The following MAD1L1 variants were observed in gnomAD, a reference collection of about 807,000 sequenced individuals.
MAD1L1 encodes mitotic arrest deficient 1 like 1, also known as mitotic spindle assembly checkpoint protein MAD1.
MAD1L1 carries 95 observed loss-of-function variants against 96.9 expected under a neutral mutation model. The observed-to-expected ratio is 0.98, with a 90% CI of 0.83 to 1.16. The LOEUF (loss-of-function observed/expected upper bound fraction) is 1.16. Among genes scored for constraint, MAD1L1 ranks in the 50% most tolerant of loss-of-function variants. MAD1L1 has a pLI of 0.00. For missense variants in MAD1L1, 1,007 were observed against 954.4 expected (o/e 1.06, Z -0.73); for synonymous variants, 473 against 396.6 (o/e 1.19, Z -2.29).
chr7:2,221,788 C>T (rs1793622301), intron 5 of MAD1L1, among the ~76,000 whole-genome samples: 1 of 152,158 alleles, frequency 6.6e-6, no homozygotes, highest in Non-Finnish European at 1.5e-5. Flanking sequence ...GACAAAACAA[C>T]AGCTATTTCC....
chr7:2,129,425 G>A (rs919354591), intron 11 of MAD1L1, among the ~76,000 whole-genome samples: 6 of 152,206 alleles, frequency 3.9e-5, no homozygotes, highest in Admixed American at 1.3e-4. Flanking sequence ...GGCTCACGGC[G>A]GCTCCTGTCC....
intron 14 of MAD1L1, among the ~76,000 whole-genome samples, chr7:1,983,140 GCGCGCGCGCGCGCGCACACA>G (rs1016992857): frequency 1.4e-4 from 14 of 99,278 alleles, no homozygotes; most frequent in East Asian, 1.0e-3. Context: ...AGACGCGCGC[GCGCGCGCGCGCGCGCACACA>G]CACACACACA....
chr7:2,225,118 C>T (rs913542313), intron 4 of MAD1L1, among the ~76,000 whole-genome samples: 1 of 152,244 alleles, frequency 6.6e-6, no homozygotes, highest in African/African-American at 2.4e-5. Flanking sequence ...ATAACTGATA[C>T]CTGCCCCACA....
rs34968822 is a variant in MAD1L1 at position 1,878,264 on chromosome 7, C to G, written c.1998+19936G>C. ...ATATTTAGGGAAGAAATATCTCACA[C>G]AAATTCTTCCAGAAAAAAGAGGAGG... is the stretch of plus-strand genomic sequence containing the variant. On this transcript the variant is annotated intron_variant, in intron 18 of 18. Coordinates refer to ENST00000265854, the MANE Select transcript of MAD1L1 (RefSeq NM_001013836.2). 4.5e-3 allele frequency among the ~76,000 whole-genome samples: 685 copies of G among 152,054 alleles called. 4 individuals are homozygous for G. The highest frequency in any genetic ancestry group is 7.4e-3 in the Non-Finnish European group (504 of 67,968).
At chr7:1,908,233 C>T (rs1488606405) in intron 17 of MAD1L1, among the ~76,000 whole-genome samples, 2 of 152,228 alleles carry the variant, frequency 1.3e-5, no homozygotes, top group East Asian at 3.9e-4. Context: ...CTCTCGCGAT[C>T]ATACCCTTCA....
chr7:1,849,469 C>G lies in MAD1L1; in HGVS notation c.1999-33241G>C, dbSNP rs533341449. 1.4e-4 allele frequency: 22 copies of G among 152,390 alleles called. No individual in the cohort carries two copies. The East Asian group carries it at 3.9e-3, about 27-fold the overall frequency. 9.4% of individuals were successfully genotyped at this position (152,390 alleles called of 1,614,324 possible). A position where few individuals can be genotyped will look rare whatever the true frequency, so the allele number is the denominator to read the frequency against. ...CTGGACCCCTGATGGTCGGCCCTCC[C>G]CGTCGAGACAGTGGCAGGCAGGCGG... is the stretch of plus-strand genomic sequence containing the variant. On this transcript the variant is annotated intron_variant, in intron 18 of 18. Coordinates refer to ENST00000265854, the MANE Select transcript of MAD1L1 (RefSeq NM_001013836.2).
intron 11 of MAD1L1, among the ~76,000 whole-genome samples, chr7:2,094,583 G>A (rs998775466): frequency 6.6e-6 from 1 of 152,168 alleles, no homozygotes; most frequent in African/African-American, 2.4e-5. Context: ...AGGAAAGTCA[G>A]GAAGGCTGCT....
intron 15 of MAD1L1, 94 bp downstream of exon 15, chr7:1,980,359 T>A: frequency 9.5e-7 from 1 of 1,047,914 alleles, no homozygotes; most frequent in Non-Finnish European, 1.4e-6. Context: ...CCTGGGCGTA[T>A]CTGCCTCCTC....
At chr7:2,089,186 AC>A (rs1786081327) in intron 11 of MAD1L1, 1 of 152,244 alleles carries the variant, frequency 6.6e-6, no homozygotes, top group Non-Finnish European at 1.5e-5. Context: ...AGTCCCAGGC[AC>A]AGTGGAGGCC....
At chr7:2,057,670 A>C (rs1784439680) in intron 12 of MAD1L1, among the ~76,000 whole-genome samples, 1 of 152,254 alleles carries the variant, frequency 6.6e-6, no homozygotes, top group African/African-American at 2.4e-5. Context: ...GGAAGGCCAG[A>C]CTTTCTAAAT....
At chr7:2,226,890 G>C (rs1793929245) in intron 3 of MAD1L1, among the ~76,000 whole-genome samples, 1 of 152,044 alleles carries the variant, frequency 6.6e-6, no homozygotes, top group Non-Finnish European at 1.5e-5. Context: ...CTCAGGCTGA[G>C]GCAGGAGAAT....
At chr7:2,017,241 G>A (rs917147253) in intron 12 of MAD1L1, among the ~76,000 whole-genome samples, 4 of 152,228 alleles carry the variant, frequency 2.6e-5, no homozygotes, top group Admixed American at 6.5e-5. Context: ...CAGCAAATGC[G>A]GTGATTAACT....
intron 11 of MAD1L1, among the ~76,000 whole-genome samples, chr7:2,095,291 G>A (rs759531553): frequency 3.9e-4 from 59 of 152,118 alleles, no homozygotes; most frequent in Non-Finnish European, 5.9e-4. Context: ...TGATCCACCC[G>A]CCTCGGCCTC....
In MAD1L1 at chr7:1,831,570, C is replaced by T. The variant is rs1449360869; in HGVS notation, c.1999-15342G>A. On this transcript the variant is annotated intron_variant, in intron 18 of 18. Coordinates refer to ENST00000265854, the MANE Select transcript of MAD1L1 (RefSeq NM_001013836.2). ...AGATAATTAGGTTTAGTGAGGAAGG[C>T]ATGTTGAAAACTGAGGCCAAAAGCT... 3.9e-5 allele frequency among the ~76,000 whole-genome samples: 6 copies of T among 152,358 alleles called. No individual in the cohort carries two copies. In the East Asian group the frequency reaches 1.2e-3, roughly 29 times the overall value.
At chr7:2,032,382 C>T (rs1418867547) in intron 12 of MAD1L1, among the ~76,000 whole-genome samples, 1 of 152,208 alleles carries the variant, frequency 6.6e-6, no homozygotes, top group East Asian at 1.9e-4. Context: ...TGCTAACGGG[C>T]AGGTGGGAAA....
In MAD1L1 at chr7:2,225,394, C is replaced by T. The variant is rs759024713; in HGVS notation, c.291+16G>A. 31 of 1,612,046 alleles carry T rather than the reference C, an allele frequency of 1.9e-5. No homozygotes were observed. The highest frequency in any genetic ancestry group is 1.4e-4 in the African/African-American group (10 of 73,812). ...CTGGGGCTGTCTGGGCCGACCCTCG[C>T]CCCGCCTGAACCCACCTCGTAGTTC... On this transcript the variant is annotated intron_variant, in intron 4 of 18. Transcript: ENST00000265854.
Position 1,976,005 on chromosome 7 carries a change from G to A in MAD1L1, c.1505+4448C>T, listed in dbSNP as rs535631959. On this transcript the variant is annotated intron_variant, in intron 15 of 18. Coordinates refer to ENST00000265854, the MANE Select transcript of MAD1L1 (RefSeq NM_001013836.2). ...GGACGGGCTCAGATTTGTTCTGGCT[G>A]AAAGGGCTCCTCAGCTGCTGCCTCT... 2.6e-5 allele frequency among the ~76,000 whole-genome samples: 4 copies of A among 152,184 alleles called. No homozygotes were observed. The South Asian group carries it at 8.3e-4, about 32-fold the overall frequency.
At chr7:1,914,408 G>A (rs1185628567) in intron 17 of MAD1L1, among the ~76,000 whole-genome samples, 1 of 152,246 alleles carries the variant, frequency 6.6e-6, no homozygotes, top group Non-Finnish European at 1.5e-5. Context: ...AGGCAGGAAA[G>A]TCGGCTAGAG....
intron 5 of MAD1L1, among the ~76,000 whole-genome samples, chr7:2,219,945 C>T (rs1793505778): frequency 6.6e-6 from 1 of 152,166 alleles, no homozygotes; most frequent in Non-Finnish European, 1.5e-5. Context: ...ACTCTCAGGC[C>T]TGGCACCTGG....
Sources: gnomAD v4.1 joint callset for allele counts (sites outside exome capture counted in the v4.1 genomes callset) on GRCh38, gnomAD v4.1.1 for gene constraint, MANE v1.5 for transcripts, NCBI Gene and HGNC (gene_info 2026-07-23, HGNC 2026-07-21) for gene names.